Variants in PPIG observed in about 807,000 individuals in gnomAD.
The protein encoded by PPIG is peptidylprolyl isomerase G, also known as peptidyl-prolyl cis-trans isomerase G.
Under a neutral mutation model 87.9 loss-of-function variants are expected in PPIG, and 26 were observed. The ratio of observed to expected loss-of-function variants is 0.30; its 90% confidence interval spans 0.22 to 0.41. PPIG has a LOEUF of 0.41. PPIG is among the 10% of genes least tolerant of loss of function. The pLI is 1.00. For synonymous variants in PPIG, 308 were observed against 276.5 expected (o/e 1.11, Z -1.13); for missense variants, 722 against 879.4 (o/e 0.82, Z 2.26).
intron 9 of PPIG, among the ~76,000 whole-genome samples, chr2:169,625,482 T>G (rs1342360901): frequency 6.6e-6 from 1 of 152,200 alleles, no homozygotes; most frequent in African/African-American, 2.4e-5. Flanking sequence ...AAACTACGTA[T>G]TATTGTAAAC....
chr2:169,627,661 G>A (rs1350143921), intron 9 of PPIG, among the ~76,000 whole-genome samples: 2 of 147,408 alleles, frequency 1.4e-5, no homozygotes, highest in Non-Finnish European at 3.0e-5. Context: ...CAAAGTGCTG[G>A]AATTACAGGC....
chr2:169,638,807 C>T lies in PPIG; in HGVS notation c.*1284C>T, dbSNP rs1686248831. ...TTTTGCCATTTTTGTGATGTGTGGCCTTTTATTCTGTAATCTCTTCTAAAT... is the reference window on the plus strand; with the variant it reads ...TTTTGCCATTTTTGTGATGTGTGGCTTTTTATTCTGTAATCTCTTCTAAAT... On this transcript the variant is annotated 3_prime_UTR_variant, in exon 14 of 14. Transcript: ENST00000260970. 1 of 151,902 alleles carries T rather than the reference C, an allele frequency of 6.6e-6. No individual in the cohort carries two copies. The highest frequency in any genetic ancestry group is 2.4e-5 in the African/African-American group (1 of 41,402). 9.4% of individuals were successfully genotyped at this position (151,902 alleles called of 1,614,324 possible).
Position 169,637,157 on chromosome 2 carries a change from A to G in PPIG, c.1899A>G (p.Arg633=). The change falls in exon 14 of 14, where the codon AGA becomes AGG. Residue 633 remains arginine (R), a synonymous_variant. Transcript: ENST00000260970. ...RRRRDSRSSE[R]EESQSRNKDK... is the part of the protein sequence containing the mutation. ...GGAGAGACTCACGGAGCTCAGAGAGAGAAGAAAGTCAAAGCAGAAACAAAG... is the reference window on the plus strand; with the variant it reads ...GGAGAGACTCACGGAGCTCAGAGAGGGAAGAAAGTCAAAGCAGAAACAAAG... 6.2e-7 allele frequency: 1 copy of G among 1,612,854 alleles called. No individual in the cohort carries two copies. Among genetic ancestry groups the G allele is most frequent in the Non-Finnish European group, 8.5e-7 (1 of 1,179,634 alleles).
intron 7 of PPIG, among the ~76,000 whole-genome samples, chr2:169,613,175 A>G (rs932818311): frequency 2.0e-5 from 3 of 152,246 alleles, no homozygotes; most frequent in Admixed American, 2.0e-4. Context: ...CATTGTGACT[A>G]TAACATGTTA....
chr2:169,614,767 A>G (rs368590758), intron 9 of PPIG, 43 bp downstream of exon 9: 94 of 1,538,176 alleles, frequency 6.1e-5, no homozygotes, highest in Non-Finnish European at 8.0e-5. Flanking sequence ...TACACATACA[A>G]AATAAGCAGA....
chr2:169,598,024 A>T (rs13408532), intron 1 of PPIG, among the ~76,000 whole-genome samples: 21,467 of 147,756 alleles, frequency 0.15, 1,630 homozygotes, highest in South Asian at 0.26. Flanking sequence ...TTTTTGATAC[A>T]GGGTCCCACT....
At chr2:169,621,766 G>A (rs559215153) in intron 9 of PPIG, among the ~76,000 whole-genome samples, 1 of 149,678 alleles carries the variant, frequency 6.7e-6, no homozygotes, top group South Asian at 2.1e-4. Context: ...TAGTCTTTAA[G>A]GACACTTGTG....
intron 7 of PPIG, among the ~76,000 whole-genome samples, chr2:169,610,459 C>T (rs1236517248): frequency 6.6e-6 from 1 of 151,770 alleles, no homozygotes; most frequent in Non-Finnish European, 1.5e-5. Flanking sequence ...ATTTTGTTCT[C>T]CTTCCTACCT....
At chr2:169,584,576 G>A (rs888919120) in intron 1 of PPIG, 86 bp downstream of exon 1, 5 of 451,602 alleles carry the variant, frequency 1.1e-5, no homozygotes, top group African/African-American at 1.0e-4. Flanking sequence ...GGGAAGAGGG[G>A]CGGAGCCGGC....
In PPIG at chr2:169,636,495, T is replaced by C; in HGVS notation, c.1237T>C (p.Ser413Pro). Residue 413 changes from serine (S) to proline (P), a missense_variant, in exon 14 of 14, where the codon TCT becomes CCT. Coordinates refer to ENST00000260970, the MANE Select transcript of PPIG (RefSeq NM_004792.3). Reference sequence around the variant, plus strand: ...AAAAATAACAGATCACAGGAATGTATCTGAGAGTCCAAACAGAAAAAATGA... The same window carrying C: ...AAAAATAACAGATCACAGGAATGTACCTGAGAGTCCAAACAGAAAAAATGA... ...ERKITDHRNVSESPNRKNEKE... is the reference protein window; with the variant it reads ...ERKITDHRNVPESPNRKNEKE... 6.2e-7 allele frequency: 1 copy of C among 1,606,868 alleles called. No homozygotes were observed. Among genetic ancestry groups the C allele is most frequent in the Non-Finnish European group, 8.5e-7 (1 of 1,177,734 alleles).
intron 1 of PPIG, among the ~76,000 whole-genome samples, chr2:169,585,947 G>A (rs1228478224): frequency 6.6e-6 from 1 of 151,936 alleles, no homozygotes; most frequent in Non-Finnish European, 1.5e-5. Context: ...GACGGGTGGG[G>A]GGGTGAACAT....
intron 5 of PPIG, among the ~76,000 whole-genome samples, chr2:169,606,479 C>T (rs1462706957): frequency 1.3e-5 from 2 of 150,332 alleles, no homozygotes; most frequent in Non-Finnish European, 2.9e-5. Context: ...GTAGTCCCAG[C>T]TACTTGAGAG....
intron 9 of PPIG, among the ~76,000 whole-genome samples, chr2:169,623,117 A>G (rs1260362079): frequency 6.6e-6 from 1 of 152,120 alleles, no homozygotes; most frequent in Non-Finnish European, 1.5e-5. Flanking sequence ...GAAAATTCAA[A>G]GTCAAGGAGA....
At chr2:169,611,079 G>C (rs994169572) in intron 7 of PPIG, among the ~76,000 whole-genome samples, 1 of 152,044 alleles carries the variant, frequency 6.6e-6, no homozygotes. Context: ...GTGCTTGCGG[G>C]CGCATGTAAT....
chr2:169,591,103 A>G (rs1312220278), intron 1 of PPIG, among the ~76,000 whole-genome samples: 1 of 152,226 alleles, frequency 6.6e-6, no homozygotes, highest in Non-Finnish European at 1.5e-5. Flanking sequence ...AATAACTTTA[A>G]AATATAATAA....
intron 1 of PPIG, among the ~76,000 whole-genome samples, chr2:169,595,930 G>C (rs550024799): frequency 6.7e-6 from 1 of 149,176 alleles, no homozygotes; most frequent in African/African-American, 2.5e-5. Flanking sequence ...CAGCCTTCCC[G>C]AGTAGCTGGG....
rs1022298138 is a variant in PPIG, at chr2:169,640,400, A to G, written c.*2877A>G. ...TTTGGGTAGTGGTATTAACTTGACA[A>G]TTCTAATTTATTTTAGTTAGTATAT... On this transcript the variant is annotated 3_prime_UTR_variant, in exon 14 of 14. Coordinates refer to ENST00000260970, the MANE Select transcript of PPIG (RefSeq NM_004792.3). 1 of 152,178 alleles carries G rather than the reference A, an allele frequency of 6.6e-6. No individual in the cohort carries two copies. The highest frequency in any genetic ancestry group is 2.4e-5 in the African/African-American group (1 of 41,448). The allele number at this position is 152,178 out of a possible 1,614,324, so 9.4% of individuals were successfully genotyped here. A position where few individuals can be genotyped will look rare whatever the true frequency, so the allele number is the denominator to read the frequency against.
chr2:169,633,800 TAATCTTGC>T (rs758055874), intron 12 of PPIG, among the ~76,000 whole-genome samples: 6 of 151,536 alleles, frequency 4.0e-5, no homozygotes, highest in Non-Finnish European at 8.8e-5. Flanking sequence ...TCATCTTACT[TAATCTTGC>T]TCCTTGTAAT....
At position 169,628,939 on chromosome 2, in the gene PPIG, C is replaced by CAA. The variant is rs71006010; in HGVS notation, c.548-1807_548-1806dup. 4.3e-3 allele frequency among the ~76,000 whole-genome samples: 393 copies of CAA among 92,206 alleles called. 21 individuals carry two copies. Among genetic ancestry groups the CAA allele is most frequent in the African/African-American group, 4.5e-3 (111 of 24,506 alleles). 60.5% of individuals were successfully genotyped at this position (92,206 alleles called of 152,430 possible). ...GGGCAACAGAGCAAGACCCTGTCTC[C>CAA]AAAAAAAAAAAAAAAAAAAAAAAAA... On this transcript the variant is annotated intron_variant, in intron 9 of 13. Transcript: ENST00000260970.
Sources: allele counts gnomAD v4.1 joint callset (sites outside exome capture counted in the v4.1 genomes callset), GRCh38; gene constraint gnomAD v4.1.1; transcripts MANE v1.5; gene names NCBI Gene and HGNC (gene_info 2026-07-23, HGNC 2026-07-21).